Variants in MDGA2 observed in about 807,000 individuals in gnomAD.
The protein encoded by MDGA2 is MAM domain containing glycosylphosphatidylinositol anchor 2.
MDGA2 carries 40 observed loss-of-function variants against 117.8 expected under a neutral mutation model. The observed-to-expected ratio is 0.34, with a 90% CI of 0.26 to 0.44. MDGA2 has a LOEUF of 0.44. Ranked by LOEUF, MDGA2 falls within the 20% of genes least tolerant of loss-of-function variation. The pLI is 1.00. For missense variants in MDGA2, 1,123 were observed against 1,250.6 expected (o/e 0.90, Z 1.54); for synonymous variants, 452 against 439.0 (o/e 1.03, Z -0.37).
At chr14:47,141,444 A>G (rs1056925113) in intron 4 of MDGA2, among the ~76,000 whole-genome samples, 18 of 152,220 alleles carry the variant, frequency 1.2e-4, no homozygotes, top group African/African-American at 3.9e-4. Flanking sequence ...TATGTACATA[A>G]TGGAATACTA....
At chr14:46,875,850 C>A (rs1409209025) in intron 12 of MDGA2, among the ~76,000 whole-genome samples, 1 of 151,558 alleles carries the variant, frequency 6.6e-6, no homozygotes, top group African/African-American at 2.4e-5. Flanking sequence ...TATGTATCTA[C>A]TGCCAAGTCT....
At chr14:47,012,170 TAG>T (rs1444438063) in intron 8 of MDGA2, among the ~76,000 whole-genome samples, 1 of 152,116 alleles carries the variant, frequency 6.6e-6, no homozygotes, top group Non-Finnish European at 1.5e-5. Context: ...GTATAAAGGA[TAG>T]AGATTCACTC....
At chr14:47,621,070 G>A (rs529520899) in intron 1 of MDGA2, among the ~76,000 whole-genome samples, 5 of 152,136 alleles carry the variant, frequency 3.3e-5, no homozygotes, top group Admixed American at 1.3e-4. Context: ...CCCTCCTTCC[G>A]CTGGCCAAAT....
intron 15 of MDGA2, among the ~76,000 whole-genome samples, chr14:46,848,065 A>G (rs1880912370): frequency 6.6e-6 from 1 of 151,998 alleles, no homozygotes; most frequent in Non-Finnish European, 1.5e-5. Context: ...AGGGGTTTGC[A>G]TTCCCATGGG....
At chr14:47,560,787 T>A (rs1895784273) in intron 1 of MDGA2, among the ~76,000 whole-genome samples, 1 of 152,222 alleles carries the variant, frequency 6.6e-6, no homozygotes, top group Non-Finnish European at 1.5e-5. Flanking sequence ...TGCCAGGTCC[T>A]ATATCCTAGG....
chr14:47,652,275 AAAG>A (rs1897659568), intron 1 of MDGA2, among the ~76,000 whole-genome samples: 1 of 152,212 alleles, frequency 6.6e-6, no homozygotes, highest in Non-Finnish European at 1.5e-5. Context: ...ATTTTGGAAT[AAAG>A]AAGGTTATTT....
chr14:47,394,366 G>C (rs1440052950), intron 1 of MDGA2, among the ~76,000 whole-genome samples: 1 of 152,156 alleles, frequency 6.6e-6, no homozygotes, highest in South Asian at 2.1e-4. Context: ...CAGCAAGAAG[G>C]CATCTGTAAC....
intron 6 of MDGA2, among the ~76,000 whole-genome samples, chr14:47,071,556 T>A (rs1890282713): frequency 6.6e-6 from 1 of 152,088 alleles, no homozygotes; most frequent in Non-Finnish European, 1.5e-5. Context: ...GTGGGTTTTT[T>A]TTTTCTCTTT....
chr14:47,505,764 T>C (rs1249084549), intron 1 of MDGA2, among the ~76,000 whole-genome samples: 1 of 152,224 alleles, frequency 6.6e-6, no homozygotes, highest in East Asian at 1.9e-4. Context: ...AGTTAATTTA[T>C]CTATGGAATA....
rs1186624012 is a variant in MDGA2, at chr14:46,855,776, T to C, written c.2753-622A>G. 1.3e-5 allele frequency among the ~76,000 whole-genome samples: 2 copies of C among 152,144 alleles called. No homozygotes were observed. Among genetic ancestry groups the C allele is most frequent in the Non-Finnish European group, 2.9e-5 (2 of 68,008 alleles). Reference sequence around the variant, plus strand: ...TATTTGTTACAGTAGCAAGAGGAAATTAACATAGCATGTAATCATGTACTG... The same window carrying C: ...TATTTGTTACAGTAGCAAGAGGAAACTAACATAGCATGTAATCATGTACTG... On this transcript the variant is annotated intron_variant, in intron 14 of 16. Coordinates refer to ENST00000399232, the MANE Select transcript of MDGA2 (RefSeq NM_001113498.3). The surrounding 1 kb of genome is among the most constrained non-coding windows in gnomAD (Gnocchi z 4.1).
intron 1 of MDGA2, among the ~76,000 whole-genome samples, chr14:47,321,973 G>C (rs1044129101): frequency 2.0e-5 from 3 of 152,076 alleles, no homozygotes; most frequent in African/African-American, 7.2e-5. Context: ...ATTCCACTTA[G>C]AAATAAATAG....
At chr14:47,174,687 G>A (rs186838572) in intron 3 of MDGA2, among the ~76,000 whole-genome samples, 3 of 152,176 alleles carry the variant, frequency 2.0e-5, no homozygotes, top group East Asian at 1.9e-4. Context: ...ACGCCCACAA[G>A]AGAAAGCAGG....
intron 1 of MDGA2, among the ~76,000 whole-genome samples, chr14:47,604,492 C>A (rs866425876): frequency 7.7e-6 from 1 of 129,524 alleles, no homozygotes; most frequent in African/African-American, 2.9e-5. Context: ...TCCCCACCCC[C>A]CCCCACCCTC....
chr14:47,200,485 G>T, intron 3 of MDGA2: 1 of 531,574 alleles, frequency 1.9e-6, no homozygotes, highest in Non-Finnish European at 3.2e-6. Context: ...ACTCATATAT[G>T]CAACCACTTC....
chr14:47,000,380 TATATATATATTTATATATAA>T (rs1166821964), intron 8 of MDGA2, among the ~76,000 whole-genome samples: 9 of 68,912 alleles, frequency 1.3e-4, no homozygotes, highest in Non-Finnish European at 2.0e-4. Context: ...TATATATTTA[TATATATATATTTATATATAA>T]ATATATATTT....
At chr14:46,887,132 G>T (rs1433215064) in intron 10 of MDGA2, among the ~76,000 whole-genome samples, 1 of 151,772 alleles carries the variant, frequency 6.6e-6, no homozygotes. Flanking sequence ...TCTCTACATT[G>T]ATAACTTCCT....
chr14:47,596,502 T>C (rs114406130), intron 1 of MDGA2, among the ~76,000 whole-genome samples: 3,099 of 152,270 alleles, frequency 0.02, 104 homozygotes, highest in African/African-American at 0.069. Context: ...GTGACGTTTG[T>C]TTTTGACCAT....
intron 14 of MDGA2, among the ~76,000 whole-genome samples, chr14:46,863,302 T>C (rs1046083046): frequency 6.6e-6 from 1 of 152,162 alleles, no homozygotes; most frequent in African/African-American, 2.4e-5. Context: ...TTGATACATA[T>C]TACTTTCTGA....
intron 3 of MDGA2, among the ~76,000 whole-genome samples, chr14:47,183,013 C>T (rs1434896785): frequency 6.6e-6 from 1 of 152,042 alleles, no homozygotes; most frequent in East Asian, 1.9e-4. Flanking sequence ...GACATATCTC[C>T]TAAACTGAAA....
Sources: allele counts gnomAD v4.1 joint callset (sites outside exome capture counted in the v4.1 genomes callset), GRCh38; gene constraint gnomAD v4.1.1; non-coding constraint Gnocchi (gnomAD v3.1); transcripts MANE v1.5; gene names NCBI Gene and HGNC (gene_info 2026-07-23, HGNC 2026-07-21).